Variants in BCKDHB observed in about 807,000 individuals in gnomAD.
The protein encoded by BCKDHB is 2-oxoisovalerate dehydrogenase subunit beta, mitochondrial.
Under a neutral mutation model 48.5 loss-of-function variants are expected in BCKDHB, and 41 were observed. The observed-to-expected ratio is 0.85, with a 90% CI of 0.66 to 1.10. The LOEUF (loss-of-function observed/expected upper bound fraction) is 1.10. Among genes scored for constraint, BCKDHB ranks in the 50% least tolerant of loss-of-function variants. The pLI, the probability that BCKDHB is intolerant of heterozygous loss-of-function variation, is 0.00. For synonymous variants in BCKDHB, 201 were observed against 174.8 expected, an observed-to-expected ratio of 1.15 and a Z score of -1.18; for missense variants, 496 against 494.2, an observed-to-expected ratio of 1.00 and a Z score of -0.03.
intron 9 of BCKDHB, among the ~76,000 whole-genome samples, chr6:80,326,098 T>A (rs1769019071): frequency 6.6e-6 from 1 of 152,192 alleles, no homozygotes; most frequent in South Asian, 2.1e-4. Flanking sequence ...GTGTAGGATG[T>A]TAATAATATT....
At chr6:80,408,265 C>T in the BCKDHB span, among the ~76,000 whole-genome samples, 1 of 151,916 alleles carries the variant, frequency 6.6e-6, no homozygotes, top group African/African-American at 2.4e-5. Flanking sequence ...CCAGTATTTT[C>T]TTGAGGATTT....
At chr6:80,151,350 G>T (rs1428081120) in intron 3 of BCKDHB, among the ~76,000 whole-genome samples, 1 of 151,930 alleles carries the variant, frequency 6.6e-6, no homozygotes, top group African/African-American at 2.4e-5. Context: ...AAAAGTTGAT[G>T]TAAGTTATGA....
At chr6:80,381,960 T>C in the BCKDHB span, among the ~76,000 whole-genome samples, 1 of 152,256 alleles carries the variant, frequency 6.6e-6, no homozygotes. Context: ...TTTCTACATG[T>C]CATTTGTTAT....
the BCKDHB span, among the ~76,000 whole-genome samples, chr6:80,399,727 C>G: frequency 1.3e-5 from 2 of 152,016 alleles, no homozygotes; most frequent in African/African-American, 4.8e-5. Context: ...ACAGTCTTCA[C>G]AGAACCAGAA....
At chr6:80,221,529 GTTTC>G (rs1255449279) in intron 8 of BCKDHB, among the ~76,000 whole-genome samples, 2 of 151,734 alleles carry the variant, frequency 1.3e-5, no homozygotes, top group Non-Finnish European at 2.9e-5. Context: ...TATTCTAATA[GTTTC>G]TTTATTGGTT....
At chr6:80,390,655 T>C in the BCKDHB span, among the ~76,000 whole-genome samples, 757 of 152,290 alleles carry the variant, frequency 5.0e-3, 4 homozygotes, top group African/African-American at 0.017. Flanking sequence ...CGGAGGATAG[T>C]GGTATTATGT....
At chr6:80,428,324 G>A in the BCKDHB span, among the ~76,000 whole-genome samples, 1 of 152,070 alleles carries the variant, frequency 6.6e-6, no homozygotes, top group Admixed American at 6.6e-5. Context: ...TAGTGTTGCA[G>A]TAAACATACG....
At chr6:80,416,272 A>G in the BCKDHB span, among the ~76,000 whole-genome samples, 4 of 148,298 alleles carry the variant, frequency 2.7e-5, no homozygotes, top group Non-Finnish European at 6.0e-5. Flanking sequence ...TTGTATGTCA[A>G]TCTTCTTCAG....
the BCKDHB span, among the ~76,000 whole-genome samples, chr6:80,452,711 AG>A: frequency 6.6e-6 from 1 of 152,180 alleles, no homozygotes; most frequent in Non-Finnish European, 1.5e-5. Context: ...AGAATGTTGT[AG>A]GTTGTGGTGG....
At chr6:80,341,860 A>G (rs1373204328) in intron 9 of BCKDHB, among the ~76,000 whole-genome samples, 5 of 152,216 alleles carry the variant, frequency 3.3e-5, no homozygotes, top group Admixed American at 6.5e-5. Flanking sequence ...TGACAATTTA[A>G]AGCCCTTTAA....
the BCKDHB span, among the ~76,000 whole-genome samples, chr6:80,404,616 G>C: frequency 6.6e-5 from 10 of 151,798 alleles, no homozygotes; most frequent in South Asian, 2.1e-3. Context: ...TGTGAGCTTA[G>C]TTTGTTCTTC....
the BCKDHB span, chr6:80,374,520 G>C: frequency 6.9e-6 from 5 of 728,332 alleles, no homozygotes; most frequent in Non-Finnish European, 1.3e-5. Flanking sequence ...GGAACCTCTT[G>C]ATTTGCATGA....
At chr6:80,337,778 G>A (rs537962177) in intron 9 of BCKDHB, among the ~76,000 whole-genome samples, 1 of 152,218 alleles carries the variant, frequency 6.6e-6, no homozygotes, top group African/African-American at 2.4e-5. Context: ...AAATTAAGTT[G>A]TGGAGTGATG....
chr6:80,342,689 G>T (rs1188011752), intron 9 of BCKDHB, among the ~76,000 whole-genome samples: 6 of 151,950 alleles, frequency 3.9e-5, no homozygotes, highest in Admixed American at 1.3e-4. Flanking sequence ...CTACTTGGTA[G>T]TCTGAGGTGG....
At chr6:80,371,013 G>T in the BCKDHB span, among the ~76,000 whole-genome samples, 1 of 152,068 alleles carries the variant, frequency 6.6e-6, no homozygotes, top group Non-Finnish European at 1.5e-5. Flanking sequence ...CCAGGAGTGG[G>T]ATTGCTGGAT....
chr6:80,171,144 T>TAGGCTTAA, intron 5 of BCKDHB, 138 bp from the exon 6 acceptor site: 1 of 595,222 alleles, frequency 1.7e-6, no homozygotes, highest in Admixed American at 3.0e-5. Context: ...TAATAAGTGA[T>TAGGCTTAA]AATTAGGCTT....
chr6:80,278,446 G>C (rs1778055560), intron 9 of BCKDHB, among the ~76,000 whole-genome samples: 1 of 152,124 alleles, frequency 6.6e-6, no homozygotes, highest in South Asian at 2.1e-4. Context: ...CTTCATTACT[G>C]TTTGTAGTTA....
At chr6:80,293,477 C>A (rs1212132620) in intron 9 of BCKDHB, among the ~76,000 whole-genome samples, 1 of 152,178 alleles carries the variant, frequency 6.6e-6, no homozygotes, top group Non-Finnish European at 1.5e-5. Context: ...CTAGACTGCA[C>A]ACAGCAGGGG....
the BCKDHB span, among the ~76,000 whole-genome samples, chr6:80,381,813 C>T: frequency 6.6e-6 from 1 of 152,142 alleles, no homozygotes; most frequent in East Asian, 1.9e-4. Context: ...ATTAACAATC[C>T]TAAGATATAA....
Sources: gnomAD v4.1 joint callset for allele counts (sites outside exome capture counted in the v4.1 genomes callset) on GRCh38, gnomAD v4.1.1 for gene constraint, MANE v1.5 for transcripts, NCBI Gene and HGNC (gene_info 2026-07-23, HGNC 2026-07-21) for gene names.